The following CTNNAL1 variants were observed in gnomAD, a reference collection of about 807,000 sequenced individuals.
CTNNAL1 encodes catenin alpha like 1, also known as alpha-catulin.
Under a neutral mutation model 93.6 loss-of-function variants are expected in CTNNAL1, and 69 were observed. The observed-to-expected ratio is 0.74, with a 90% confidence interval of 0.61 to 0.90. The LOEUF is 0.90. Among genes scored for constraint, CTNNAL1 ranks in the 40% least tolerant of loss-of-function variants. The probability of loss-of-function intolerance (pLI) is 0.00; values close to 1 mark genes in which losing one functional copy is unlikely to be tolerated. For synonymous variants in CTNNAL1, 286 were observed against 305.4 expected, an observed-to-expected ratio of 0.94 and a Z score of 0.66; for missense variants, 836 against 862.0, an observed-to-expected ratio of 0.97 and a Z score of 0.38.
At chr9:108,956,526 A>G (rs953883099) in intron 11 of CTNNAL1, among the ~76,000 whole-genome samples, 1 of 152,248 alleles carries the variant, frequency 6.6e-6, no homozygotes, top group African/African-American at 2.4e-5. Context: ...AGACCTAAGC[A>G]GTAATTGCTT....
intron 11 of CTNNAL1, among the ~76,000 whole-genome samples, chr9:108,960,073 A>C (rs1830786003): frequency 6.6e-6 from 1 of 152,202 alleles, no homozygotes; most frequent in Admixed American, 6.5e-5. Context: ...AGCTATCTTT[A>C]GTTCTGGAGG....
intron 11 of CTNNAL1, 103 bp downstream of exon 11, chr9:108,965,275 G>T: frequency 1.0e-6 from 1 of 953,280 alleles, no homozygotes; most frequent in Non-Finnish European, 1.5e-6. Context: ...TAACCCAGCT[G>T]GGTTACGACA....
intron 1 of CTNNAL1, among the ~76,000 whole-genome samples, chr9:109,005,060 T>C (rs1053989354): frequency 1.3e-5 from 2 of 152,172 alleles, no homozygotes; most frequent in African/African-American, 4.8e-5. Context: ...CTTCTTTTAC[T>C]GGAGGTTTAC....
rs1043668595 is a variant in CTNNAL1, at chr9:109,013,338, G to C, written c.105C>G (p.Arg35=). The part of the protein sequence containing the change: ...ALDSGLEIKT[R]SVEQTLLPLV... Reference sequence around the variant, plus strand: ...GCGGGAGTAGCGTCTGCTCCACCGAGCGAGTTTTGATCTCCAGTCCCGAGT... The same window carrying C: ...GCGGGAGTAGCGTCTGCTCCACCGACCGAGTTTTGATCTCCAGTCCCGAGT... The change falls in exon 1 of 19, where the codon CGC becomes CGG. Residue 35 remains arginine (R), a synonymous_variant. Coordinates refer to ENST00000325551, the MANE Select transcript of CTNNAL1 (RefSeq NM_003798.4). 6.6e-7 allele frequency: 1 copy of C among 1,515,764 alleles called. No homozygotes were observed. Among genetic ancestry groups the C allele is most frequent in the African/African-American group, 1.4e-5 (1 of 69,040 alleles). The allele number at this position is 1,515,764 out of a possible 1,614,324, so 93.9% of individuals were successfully genotyped here.
At chr9:109,006,399 A>C (rs1827028189) in intron 1 of CTNNAL1, among the ~76,000 whole-genome samples, 1 of 152,174 alleles carries the variant, frequency 6.6e-6, no homozygotes, top group Non-Finnish European at 1.5e-5. Flanking sequence ...AATTTGAAGA[A>C]GTTAAGTATT....
At chr9:108,963,295 A>T (rs1830867595) in intron 11 of CTNNAL1, among the ~76,000 whole-genome samples, 2 of 152,332 alleles carry the variant, frequency 1.3e-5, no homozygotes, top group Middle Eastern at 3.4e-3. Context: ...CCGATTTAGA[A>T]ACTGCGAGCA....
Position 109,013,358 on chromosome 9 carries a change from C to T in CTNNAL1, c.85G>A (p.Gly29Arg). 2 of 1,515,514 alleles carry T rather than the reference C, an allele frequency of 1.3e-6. No individual in the cohort carries two copies. Among genetic ancestry groups the T allele is most frequent in the South Asian group, 1.2e-5 (1 of 80,394 alleles). The allele number at this position is 1,515,514 out of a possible 1,614,324, so 93.9% of individuals were successfully genotyped here. ...SGSSGFALDS[G>R]LEIKTRSVEQ... ...ACCGAGCGAGTTTTGATCTCCAGTC[C>T]CGAGTCGAGGGCGAAGCCCGAAGAG... is the stretch of plus-strand genomic sequence containing the variant. The change falls in exon 1 of 19, where the codon GGA (glycine) becomes AGA (arginine). Residue 29 changes from glycine (G) to arginine (R), a missense_variant. Gly to Arg is a moderately radical substitution (Grantham distance 125). Transcript: ENST00000325551.
chr9:108,968,408 C>T (rs187243094), intron 10 of CTNNAL1, among the ~76,000 whole-genome samples: 78 of 152,278 alleles, frequency 5.1e-4, no homozygotes, highest in East Asian at 3.9e-3. Flanking sequence ...ATGGCTATTC[C>T]TAATATCTCT....
intron 4 of CTNNAL1, among the ~76,000 whole-genome samples, chr9:108,988,611 A>G (rs1831687291): frequency 6.6e-6 from 1 of 152,240 alleles, no homozygotes; most frequent in Middle Eastern, 3.2e-3. Flanking sequence ...GTCCTTACAC[A>G]GTTTGGCCTG....
chr9:108,997,168 A>C (rs957422760), intron 2 of CTNNAL1, among the ~76,000 whole-genome samples: 1 of 152,210 alleles, frequency 6.6e-6, no homozygotes, highest in African/African-American at 2.4e-5. Flanking sequence ...TGTCCCAGTG[A>C]ATGGCTAGAA....
chr9:108,971,026 CA>C lies in CTNNAL1; in HGVS notation c.1348-533del, dbSNP rs558972941. 8.6e-5 allele frequency among the ~76,000 whole-genome samples: 13 copies of C among 151,764 alleles called. No homozygotes were observed. The South Asian group carries it at 1.0e-3, about 12-fold the overall frequency. The stretch of plus-strand genomic sequence containing the variant: ...ACGCTTAAAACAGAAAATCAGAGAA[CA>C]TTTTTTTTTTCAATGTTAAAAAGAT... On this transcript the variant is annotated intron_variant, in intron 9 of 18. Coordinates refer to ENST00000325551, the MANE Select transcript of CTNNAL1 (RefSeq NM_003798.4).
intron 4 of CTNNAL1, among the ~76,000 whole-genome samples, chr9:108,987,350 A>G (rs1465557244): frequency 2.0e-5 from 3 of 152,048 alleles, no homozygotes; most frequent in Admixed American, 6.6e-5. Flanking sequence ...GATATGCAGC[A>G]TTATTTCTGA....
At chr9:108,991,679 C>A (rs1050715687) in intron 3 of CTNNAL1, among the ~76,000 whole-genome samples, 1 of 152,178 alleles carries the variant, frequency 6.6e-6, no homozygotes, top group Non-Finnish European at 1.5e-5. Flanking sequence ...ACTGTGAGAA[C>A]CTCCATCTTT....
Position 108,970,475 on chromosome 9 carries a change from T to C in CTNNAL1, c.1367A>G (p.His456Arg), listed in dbSNP as rs201571075. ...TTCCAGAGGTTCTGTCCCAGATATGTGTCGTAACAATCGACAGGTCTACAA... is the reference window on the plus strand; with the variant it reads ...TTCCAGAGGTTCTGTCCCAGATATGCGTCGTAACAATCGACAGGTCTACAA... ...QLVETCRLLR[H>R]ISGTEPLEIT... Residue 456 changes from histidine to arginine, a missense_variant, in exon 10 of 19, where the codon CAC (histidine) becomes CGC (arginine). His to Arg is a conservative substitution (Grantham distance 29). Transcript: ENST00000325551. The C allele has an allele frequency of 2.1e-5, 34 of 1,611,654 alleles. No individual in the cohort carries two copies. In the African/African-American group the frequency reaches 4.0e-4, roughly 19 times the overall value.
intron 2 of CTNNAL1, among the ~76,000 whole-genome samples, chr9:108,998,232 AG>A (rs1832093443): frequency 6.6e-6 from 1 of 152,166 alleles, no homozygotes; most frequent in Non-Finnish European, 1.5e-5. Context: ...AGCATCTAGT[AG>A]GTAGAAGCTA....
At chr9:109,004,563 G>A (rs374236214) in intron 1 of CTNNAL1, among the ~76,000 whole-genome samples, 12 of 152,212 alleles carry the variant, frequency 7.9e-5, no homozygotes, top group Admixed American at 2.6e-4. Context: ...CAAGGTGGGC[G>A]GATCACGAGG....
intron 1 of CTNNAL1, 148 bp downstream of exon 1, chr9:109,013,154 G>GC: frequency 9.7e-7 from 1 of 1,026,446 alleles, no homozygotes; most frequent in South Asian, 2.1e-5. Flanking sequence ...CCGTCCCGGA[G>GC]CCCCACACAG....
At chr9:109,002,513 C>T (rs950850017) in intron 1 of CTNNAL1, among the ~76,000 whole-genome samples, 2 of 152,138 alleles carry the variant, frequency 1.3e-5, no homozygotes, top group Admixed American at 6.5e-5. Context: ...CCCTCATTAA[C>T]ATGAAAGGGA....
At chr9:108,949,082 A>G (rs940053010) in intron 14 of CTNNAL1, among the ~76,000 whole-genome samples, 1 of 152,230 alleles carries the variant, frequency 6.6e-6, no homozygotes, top group African/African-American at 2.4e-5. Context: ...GAATGATTAC[A>G]TGTAAATCAT....
Sources: gnomAD v4.1 joint callset for allele counts (sites outside exome capture counted in the v4.1 genomes callset) on GRCh38, gnomAD v4.1.1 for gene constraint, MANE v1.5 for transcripts, NCBI Gene and HGNC (gene_info 2026-07-23, HGNC 2026-07-21) for gene names.